Variants in NR2F1-AS1 observed in about 807,000 individuals in gnomAD.
NR2F1-AS1 encodes NR2F1 regulatory antisense RNA 1.
chr5:93,558,319 C>CT (rs776183434), intron 2 of NR2F1-AS1, among the ~76,000 whole-genome samples: 382 of 138,968 alleles, frequency 2.7e-3, no homozygotes, highest in Admixed American at 3.3e-3. Context: ...AAATGTATTT[C>CT]TTTTTTTTTT....
intron 4 of NR2F1-AS1, among the ~76,000 whole-genome samples, chr5:93,465,404 A>G (rs1750205939): frequency 6.6e-6 from 1 of 152,240 alleles, no homozygotes; most frequent in Non-Finnish European, 1.5e-5. Context: ...TAGAATGGCG[A>G]TCATTAAAAA....
At chr5:93,436,305 G>A (rs1053441751) in intron 4 of NR2F1-AS1, among the ~76,000 whole-genome samples, 3 of 152,216 alleles carry the variant, frequency 2.0e-5, no homozygotes, top group African/African-American at 7.2e-5. Flanking sequence ...ATTCAACACA[G>A]AAACTCACTT....
chr5:93,563,328 A>G (rs1247189334), intron 2 of NR2F1-AS1: 2 of 152,170 alleles, frequency 1.3e-5, no homozygotes, highest in African/African-American at 4.8e-5. Flanking sequence ...TGGTTTTAGC[A>G]TTGCTGGTTT....
At chr5:93,533,919 G>A (rs1466729230) in intron 4 of NR2F1-AS1, among the ~76,000 whole-genome samples, 1 of 152,006 alleles carries the variant, frequency 6.6e-6, no homozygotes, top group Non-Finnish European at 1.5e-5. Flanking sequence ...ATCACATGAG[G>A]CCAGTTCAAG....
chr5:93,548,275 A>T lies in NR2F1-AS1; in HGVS notation n.638+5486T>A, dbSNP rs185125377. ...ATAAACAATCAAGCTAATTCAATCA[A>T]TTTATGTGGTCAAAAAAAAATATTT... On this transcript the variant is annotated intron_variant and non_coding_transcript_variant, in intron 4 of 5. Coordinates refer to ENST00000660523, the Ensembl canonical transcript of NR2F1-AS1. Among the ~76,000 whole-genome samples, 10 of 152,174 alleles carry T rather than the reference A, an allele frequency of 6.6e-5. No individual in the cohort carries two copies. The East Asian group carries it at 1.9e-3, about 29-fold the overall frequency.
At chr5:93,521,127 G>A (rs758679861) in intron 4 of NR2F1-AS1, among the ~76,000 whole-genome samples, 27 of 152,082 alleles carry the variant, frequency 1.8e-4, no homozygotes, top group Non-Finnish European at 3.2e-4. Flanking sequence ...GAAAAGACTC[G>A]CTATTCAATA....
At chr5:93,501,516 G>T (rs939443273) in intron 4 of NR2F1-AS1, among the ~76,000 whole-genome samples, 48 of 151,828 alleles carry the variant, frequency 3.2e-4, no homozygotes, top group African/African-American at 1.2e-3. Context: ...ACCATACCCA[G>T]CTAATTTTTG....
intron 1 of NR2F1-AS1, among the ~76,000 whole-genome samples, chr5:93,572,158 G>A (rs1483889256): frequency 6.6e-6 from 1 of 152,232 alleles, no homozygotes; most frequent in African/African-American, 2.4e-5. Flanking sequence ...GCTCGGGGCT[G>A]CTGTGCTCCA....
intron 4 of NR2F1-AS1, among the ~76,000 whole-genome samples, chr5:93,549,470 A>G (rs1281589158): frequency 6.6e-6 from 1 of 152,186 alleles, no homozygotes; most frequent in Non-Finnish European, 1.5e-5. Context: ...AAGCAGTACA[A>G]TTCTATGGTC....
intron 4 of NR2F1-AS1, among the ~76,000 whole-genome samples, chr5:93,421,394 C>A (rs1024910190): frequency 6.6e-6 from 1 of 151,500 alleles, no homozygotes; most frequent in South Asian, 2.1e-4. Context: ...GGAAAAGCTT[C>A]GTATTTTTCA....
chr5:93,480,244 C>G (rs1372768205), intron 4 of NR2F1-AS1, among the ~76,000 whole-genome samples: 1 of 152,034 alleles, frequency 6.6e-6, no homozygotes, highest in Non-Finnish European at 1.5e-5. Context: ...TAGACAAAGA[C>G]AGAGAAAAAT....
At chr5:93,559,753 TAC>T (rs1177911754) in intron 2 of NR2F1-AS1, among the ~76,000 whole-genome samples, 3 of 152,352 alleles carry the variant, frequency 2.0e-5, no homozygotes, top group Middle Eastern at 3.4e-3. Flanking sequence ...GCAGTCAGAA[TAC>T]ACACATTTAT....
At chr5:93,493,001 C>T (rs914446388) in intron 4 of NR2F1-AS1, among the ~76,000 whole-genome samples, 3 of 152,100 alleles carry the variant, frequency 2.0e-5, no homozygotes, top group African/African-American at 7.2e-5. Flanking sequence ...CCTGCTTTGA[C>T]CACTGCTATT....
intron 4 of NR2F1-AS1, among the ~76,000 whole-genome samples, chr5:93,536,055 T>G (rs552665566): frequency 9.2e-5 from 14 of 151,938 alleles, no homozygotes; most frequent in South Asian, 2.1e-4. Flanking sequence ...CCCTAAAGAC[T>G]CCACCAAAAA....
chr5:93,566,803 T>C (rs1289123536), intron 1 of NR2F1-AS1, among the ~76,000 whole-genome samples: 2 of 151,978 alleles, frequency 1.3e-5, no homozygotes, highest in East Asian at 1.9e-4. Context: ...ATGCTATTCA[T>C]TACAACTTAG....
chr5:93,534,318 A>G (rs1263119256), intron 4 of NR2F1-AS1, among the ~76,000 whole-genome samples: 1 of 152,224 alleles, frequency 6.6e-6, no homozygotes, highest in Non-Finnish European at 1.5e-5. Context: ...AGCAAATAAT[A>G]AAGTGAAGAT....
chr5:93,440,947 C>G (rs1315933751), intron 4 of NR2F1-AS1, among the ~76,000 whole-genome samples: 1 of 152,172 alleles, frequency 6.6e-6, no homozygotes, highest in Non-Finnish European at 1.5e-5. Context: ...ACTCCAAAAA[C>G]CCAATAGGAA....
At position 93,559,621 on chromosome 5, in the gene NR2F1-AS1, C is replaced by T. The variant is rs143502606; in HGVS notation, n.413+3743G>A. 1.1e-3 allele frequency among the ~76,000 whole-genome samples: 165 copies of T among 152,288 alleles called. 1 individual carries two copies. The highest frequency in any genetic ancestry group is 3.8e-3 in the African/African-American group (157 of 41,560). ...TTAAAGTAAAGGAGGTGTGACTCTT[C>T]CTTTCACTTGAACACTTGAAGCCCA... On this transcript the variant is annotated intron_variant and non_coding_transcript_variant, in intron 2 of 5. Transcript: ENST00000660523.
At chr5:93,448,339 A>G (rs1235948988) in intron 4 of NR2F1-AS1, among the ~76,000 whole-genome samples, 1 of 152,198 alleles carries the variant, frequency 6.6e-6, no homozygotes, top group Non-Finnish European at 1.5e-5. Context: ...ATCTGACAAG[A>G]TAGACCTGTC....
Sources: gnomAD v4.1 joint callset for allele counts (sites outside exome capture counted in the v4.1 genomes callset) on GRCh38, gnomAD v4.1.1 for gene constraint, MANE v1.5 for transcripts, NCBI Gene and HGNC (gene_info 2026-07-23, HGNC 2026-07-21) for gene names.